The following ZC3HC1 variants were observed in gnomAD, a reference collection of about 807,000 sequenced individuals.
ZC3HC1 encodes the protein zinc finger C3HC-type containing 1.
A neutral mutation model predicts 61.9 loss-of-function variants in ZC3HC1; 38 were observed. The observed-to-expected ratio is 0.61, with a 90% confidence interval of 0.47 to 0.81. The LOEUF is 0.81. Ranked by LOEUF, ZC3HC1 falls within the 30% of genes least tolerant of loss-of-function variation. The pLI is 0.00. For synonymous variants in ZC3HC1, 213 were observed against 229.9 expected (o/e 0.93, Z 0.67); for missense variants, 554 against 622.7 (o/e 0.89, Z 1.17).
intron 3 of ZC3HC1, among the ~76,000 whole-genome samples, chr7:130,040,497 CAAAAAAAAAAAA>C (rs35982469): frequency 6.8e-5 from 3 of 44,178 alleles, no homozygotes; most frequent in Non-Finnish European, 9.4e-5. Flanking sequence ...GACTCCGTCT[CAAAAAAAAAAAA>C]AAAAAAAAAA....
intron 3 of ZC3HC1, among the ~76,000 whole-genome samples, chr7:130,040,117 G>A (rs994656797): frequency 8.0e-6 from 1 of 124,916 alleles, no homozygotes; most frequent in Admixed American, 1.1e-4. Flanking sequence ...GAATAATAAA[G>A]TAAACATGCT....
chr7:130,046,273 G>A (rs538827144), intron 2 of ZC3HC1, among the ~76,000 whole-genome samples: 269 of 152,100 alleles, frequency 1.8e-3, no homozygotes, highest in Non-Finnish European at 2.1e-3. Flanking sequence ...TAACAAACCC[G>A]CACATCCTAC....
At chr7:130,051,392 C>A (rs774936775), upstream of ZC3HC1, 1 of 1,612,616 alleles carries the variant, frequency 6.2e-7, no homozygotes, top group Non-Finnish European at 8.5e-7. Context: ...AGTTGCTTCC[C>A]CGAGAGTTTG....
chr7:130,047,165 G>A (rs2116776421), intron 2 of ZC3HC1, among the ~76,000 whole-genome samples: 1 of 152,286 alleles, frequency 6.6e-6, no homozygotes, highest in Admixed American at 6.5e-5. Flanking sequence ...GTTTCACCAT[G>A]TTGGCCAGGC....
At chr7:130,041,547 C>A (rs1188025622) in intron 2 of ZC3HC1, among the ~76,000 whole-genome samples, 7 of 118,658 alleles carry the variant, frequency 5.9e-5, no homozygotes, top group Non-Finnish European at 8.5e-5. Context: ...TTTTTCAAGA[C>A]AGAGTCTTGC....
At chr7:130,033,658 T>C (rs1219657666) in intron 4 of ZC3HC1, among the ~76,000 whole-genome samples, 2 of 152,002 alleles carry the variant, frequency 1.3e-5, no homozygotes, top group Non-Finnish European at 2.9e-5. Flanking sequence ...TTCACTGTGT[T>C]AGCCAGGATG....
rs779172022 is a variant in ZC3HC1, at chr7:130,022,433, C to T, written c.1326G>A (p.Glu442=). The change falls in exon 9 of 10, where the codon GAG becomes GAA. Residue 442 remains glutamate, a synonymous_variant. Coordinates refer to ENST00000358303, the MANE Select transcript of ZC3HC1 (RefSeq NM_016478.5). ...TGGCATCTGGTTCAGTTCCACCATTCTCCCTGCTTTCTTTGCCAAGTGTGA... is the reference window on the plus strand; with the variant it reads ...TGGCATCTGGTTCAGTTCCACCATTTTCCCTGCTTTCTTTGCCAAGTGTGA... ...VNITLGKESR[E]NGGTEPDASA... is the part of the protein sequence containing the mutation. 7.4e-6 allele frequency: 12 copies of T among 1,611,870 alleles called. No homozygotes were observed. The Admixed American group carries it at 1.8e-4, about 25-fold the overall frequency.
At chr7:130,030,691 A>G (rs1424236989) in intron 4 of ZC3HC1, among the ~76,000 whole-genome samples, 2 of 142,950 alleles carry the variant, frequency 1.4e-5, no homozygotes, top group East Asian at 4.2e-4. Context: ...TTTTTTTTTG[A>G]GACAATCTCG....
intron 5 of ZC3HC1, among the ~76,000 whole-genome samples, chr7:130,028,403 G>A (rs1286210701): frequency 6.6e-6 from 1 of 151,928 alleles, no homozygotes; most frequent in South Asian, 2.1e-4. Flanking sequence ...TTAGCCAGGT[G>A]TGGTGGCAGA....
chr7:130,021,944 G>A (rs1483585357), intron 9 of ZC3HC1, among the ~76,000 whole-genome samples: 4 of 152,150 alleles, frequency 2.6e-5, no homozygotes, highest in South Asian at 4.1e-4. Context: ...GGAGGCCGAG[G>A]CGGGGGGATC....
chr7:130,032,091 G>A (rs1011822023), intron 4 of ZC3HC1, among the ~76,000 whole-genome samples: 2 of 152,086 alleles, frequency 1.3e-5, no homozygotes, highest in African/African-American at 2.4e-5. Flanking sequence ...AGGCATGGTG[G>A]TGGGTGCCTG....
chr7:130,049,319 A>G (rs1316806099), intron 1 of ZC3HC1, among the ~76,000 whole-genome samples, 175 bp from the exon 2 acceptor site: 1 of 152,180 alleles, frequency 6.6e-6, no homozygotes, highest in Admixed American at 6.5e-5. Flanking sequence ...GTTTTATAAT[A>G]CTTACTAAAT....
rs193291029 is a variant in ZC3HC1, at chr7:130,042,921, G to A, written c.259-1820C>T. On this transcript the variant is annotated intron_variant, in intron 2 of 9. Coordinates refer to ENST00000358303, the MANE Select transcript of ZC3HC1 (RefSeq NM_016478.5). ...TGGTCTCGAATGCCTGACCTTGAAC[G>A]CCTGAGGCCCTCCTCGGCCTTCCAT... Among the ~76,000 whole-genome samples, 6 of 152,270 alleles carry A rather than the reference G, an allele frequency of 3.9e-5. No individual in the cohort carries two copies. The East Asian group carries it at 9.7e-4, about 25-fold the overall frequency.
rs984527962 is a variant in ZC3HC1 at position 130,023,574 on chromosome 7, C to T, written c.1170G>A (p.Leu390=). The T allele has an allele frequency of 1.2e-6, 2 of 1,614,046 alleles. No homozygotes were observed. The highest frequency in any genetic ancestry group is 1.7e-5 in the Admixed American group (1 of 59,980). Reference sequence around the variant, plus strand: ...TCCGCAGAGGGCTAGATGGTACCTCCAGGCCAGGGGTGTCTCCTGTTCCCA... The same window carrying T: ...TCCGCAGAGGGCTAGATGGTACCTCTAGGCCAGGGGTGTCTCCTGTTCCCA... ...RSMGTGDTPG[L]EVPSSPLRKA... is the part of the protein sequence containing the mutation. Residue 390 remains leucine, a synonymous_variant, in exon 8 of 10, where the codon CTG becomes CTA. Coordinates refer to ENST00000358303, the MANE Select transcript of ZC3HC1 (RefSeq NM_016478.5). The surrounding 1 kb of genome is among the most constrained non-coding windows in gnomAD (Gnocchi z 4.2).
chr7:130,023,657 G>A lies in ZC3HC1; in HGVS notation c.1087C>T (p.Arg363Cys), dbSNP rs762822221. 1.1e-5 allele frequency: 18 copies of A among 1,614,000 alleles called. No individual in the cohort carries two copies. In the African/African-American group the frequency reaches 1.3e-4, roughly 12 times the overall value. Residue 363 changes from arginine (R) to cysteine (C), a missense_variant, in exon 8 of 10, where the codon CGT (arginine) becomes TGT (cysteine). Transcript: ENST00000358303. The surrounding 1 kb of genome is among the most constrained non-coding windows in gnomAD (Gnocchi z 4.2). ...RSWDSSSPVD[R>C]PEPEAASPTT... Reference sequence around the variant, plus strand: ...GGGCTAGCAGCCTCTGGCTCAGGACGGTCAACAGGACTGGAAGAGTCCCAG... The same window carrying A: ...GGGCTAGCAGCCTCTGGCTCAGGACAGTCAACAGGACTGGAAGAGTCCCAG...
chr7:130,031,922 G>A (rs1047250088), intron 4 of ZC3HC1, among the ~76,000 whole-genome samples: 1 of 152,100 alleles, frequency 6.6e-6, no homozygotes, highest in African/African-American at 2.4e-5. Flanking sequence ...CTGTCCAATC[G>A]TCCTGTGAAA....
At chr7:130,028,501 T>C (rs113869172) in intron 5 of ZC3HC1, among the ~76,000 whole-genome samples, 6,710 of 152,020 alleles carry the variant, frequency 0.044, 230 homozygotes, top group African/African-American at 0.1. Context: ...GAGATTACAC[T>C]ATTGCACTCC....
Position 130,022,480 on chromosome 7 carries a change from C to G in ZC3HC1, c.1279G>C (p.Asp427His). ...GTGATATTCACCCAAGGGCACCAGT[C>G]TCTATGCTGAGAGGTGGGATCAAAG... ...SFFDPTSQHR[D>H]WCPWVNITLG... Residue 427 changes from aspartate to histidine, a missense_variant, in exon 9 of 10, where the codon GAC (aspartate) becomes CAC (histidine). Coordinates refer to ENST00000358303, the MANE Select transcript of ZC3HC1 (RefSeq NM_016478.5). 6.2e-7 allele frequency: 1 copy of G among 1,613,066 alleles called. No individual in the cohort carries two copies. The highest frequency in any genetic ancestry group is 8.5e-7 in the Non-Finnish European group (1 of 1,179,522).
chr7:130,033,445 CTTTTT>C lies in ZC3HC1; in HGVS notation c.494-4421_494-4417del, dbSNP rs3043729. 8.5e-5 allele frequency among the ~76,000 whole-genome samples: 7 copies of C among 82,826 alleles called. No individual in the cohort carries two copies. In the South Asian group the frequency reaches 2.1e-3, roughly 25 times the overall value. 54.3% of individuals were successfully genotyped at this position (82,826 alleles called of 152,430 possible). A position where few individuals can be genotyped will look rare whatever the true frequency, so the allele number is the denominator to read the frequency against. ...TTGTCTGTAGCATTTCTATAGCATT[CTTTTT>C]TTTTTTTTTTTTTTTTTTTTGAGAC... On this transcript the variant is annotated intron_variant, in intron 4 of 9. Transcript: ENST00000358303.
Sources: allele counts gnomAD v4.1 joint callset (sites outside exome capture counted in the v4.1 genomes callset), GRCh38; gene constraint gnomAD v4.1.1; non-coding constraint Gnocchi (gnomAD v3.1); transcripts MANE v1.5; gene names NCBI Gene and HGNC (gene_info 2026-07-23, HGNC 2026-07-21).